Variants in SPPL3 observed in about 807,000 individuals in gnomAD.
SPPL3 encodes the protein signal peptide peptidase-like 3.
In SPPL3, 5 loss-of-function variants were observed where a neutral mutation model predicts 42.4. That is an observed-to-expected ratio of 0.12 (90% CI 0.06 to 0.25). The LOEUF (loss-of-function observed/expected upper bound fraction) is 0.25, where lower values mean the gene tolerates loss of function less well. Ranked by LOEUF, SPPL3 falls within the 10% of genes least tolerant of loss-of-function variation. The pLI is 1.00. For missense variants in SPPL3, 235 were observed against 489.0 expected (o/e 0.48, Z 4.90); for synonymous variants, 195 against 181.8 (o/e 1.07, Z -0.58).
intron 1 of SPPL3, among the ~76,000 whole-genome samples, chr12:120,900,854 A>C (rs764428483): frequency 6.6e-6 from 1 of 150,782 alleles, no homozygotes; most frequent in Non-Finnish European, 1.5e-5. Flanking sequence ...CCTGGGAGGC[A>C]GACGCTGCAG....
chr12:120,893,266 CA>C (rs1338042621), intron 1 of SPPL3, among the ~76,000 whole-genome samples: 1 of 151,780 alleles, frequency 6.6e-6, no homozygotes, highest in African/African-American at 2.4e-5. Context: ...CTGGCTAACA[CA>C]GTGAAACCCT....
chr12:120,815,789 C>T (rs765685658), intron 1 of SPPL3, among the ~76,000 whole-genome samples: 2 of 152,124 alleles, frequency 1.3e-5, no homozygotes, highest in South Asian at 2.1e-4. Context: ...TGCAACGGTG[C>T]GATCTCGGCT....
chr12:120,875,347 G>A (rs1873052892), intron 1 of SPPL3, among the ~76,000 whole-genome samples: 1 of 152,026 alleles, frequency 6.6e-6, no homozygotes, highest in African/African-American at 2.4e-5. Flanking sequence ...AACATAGATG[G>A]TGATGAAGAT....
intron 2 of SPPL3, chr12:120,791,811 C>T: frequency 2.5e-6 from 1 of 394,462 alleles, no homozygotes; most frequent in East Asian, 5.8e-5. Flanking sequence ...CTGAGCATAT[C>T]ATATCCTTAA....
In SPPL3 at chr12:120,882,607, T is replaced by C. The variant is rs183228377; in HGVS notation, c.23+21238A>G. On this transcript the variant is annotated intron_variant, in intron 1 of 10. Coordinates refer to ENST00000353487, the MANE Select transcript of SPPL3 (RefSeq NM_139015.5). Reference sequence around the variant, plus strand: ...AGAGAGATTGAATACAGTGGTCTCCTATGTATCCACAAAAACTGATTATAT... The same window carrying C: ...AGAGAGATTGAATACAGTGGTCTCCCATGTATCCACAAAAACTGATTATAT... 3.0e-4 allele frequency among the ~76,000 whole-genome samples: 46 copies of C among 152,260 alleles called. 1 individual carries two copies. The East Asian group carries it at 6.9e-3, about 23-fold the overall frequency.
intron 6 of SPPL3, among the ~76,000 whole-genome samples, chr12:120,780,940 G>A (rs988523662): frequency 1.3e-5 from 2 of 152,124 alleles, no homozygotes; most frequent in East Asian, 3.8e-4. Context: ...GAAAAACCAG[G>A]AAAATTATGG....
chr12:120,782,408 T>C (rs1358217745), intron 6 of SPPL3, among the ~76,000 whole-genome samples: 1 of 152,188 alleles, frequency 6.6e-6, no homozygotes, highest in Admixed American at 6.5e-5. Context: ...CCACATAATG[T>C]ATGATTCCAT....
At chr12:120,783,381 A>C (rs767724717) in intron 5 of SPPL3, among the ~76,000 whole-genome samples, 2 of 152,254 alleles carry the variant, frequency 1.3e-5, no homozygotes, top group Admixed American at 1.3e-4. Context: ...CTCACAGTAA[A>C]GGAATGAAAG....
chr12:120,781,820 C>G (rs1869557614), intron 6 of SPPL3, among the ~76,000 whole-genome samples: 2 of 151,942 alleles, frequency 1.3e-5, no homozygotes, highest in Non-Finnish European at 1.5e-5. Context: ...GATCTCCTGA[C>G]CTTGTGATCC....
intron 1 of SPPL3, among the ~76,000 whole-genome samples, chr12:120,897,566 AC>A (rs1593017053): frequency 6.6e-6 from 1 of 152,160 alleles, no homozygotes; most frequent in Admixed American, 6.5e-5. Flanking sequence ...TACTAAAATT[AC>A]AAAAAATTAG....
intron 1 of SPPL3, among the ~76,000 whole-genome samples, chr12:120,895,965 T>C (rs1245612744): frequency 6.6e-6 from 1 of 152,184 alleles, no homozygotes; most frequent in Non-Finnish European, 1.5e-5. Flanking sequence ...GAATACTTTT[T>C]GAATAATCAC....
At chr12:120,900,644 C>A (rs998640880) in intron 1 of SPPL3, among the ~76,000 whole-genome samples, 2 of 150,962 alleles carry the variant, frequency 1.3e-5, no homozygotes, top group Admixed American at 1.3e-4. Context: ...TGGTGGCTCA[C>A]GCCTGTAATC....
rs1486831022 is a variant in SPPL3 at position 120,768,380 on chromosome 12, T to C, written c.718A>G (p.Asn240Asp). 8 of 1,614,176 alleles carry C rather than the reference T, an allele frequency of 5.0e-6. No homozygotes were observed. The highest frequency in any genetic ancestry group is 4.2e-6 in the Non-Finnish European group (5 of 1,180,020). ...AGGCGAGGAACATCACGCCCAACAT[T>C]GGGCCCCAGGTGGAGCTTCCGGGAT... ...VLSRKLHLGPNVGRDVPRLSL... is the reference protein window; with the variant it reads ...VLSRKLHLGPDVGRDVPRLSL... The change falls in exon 8 of 11, where the codon AAT (asparagine) becomes GAT (aspartate). Residue 240 changes from asparagine (N) to aspartate (D), a missense_variant. By Grantham distance (23) the Asn-to-Asp change is conservative. Coordinates refer to ENST00000353487, the MANE Select transcript of SPPL3 (RefSeq NM_139015.5).
At chr12:120,779,818 T>TAAA (rs1869459734) in intron 6 of SPPL3, among the ~76,000 whole-genome samples, 6 of 2,126 alleles carry the variant, frequency 2.8e-3, no homozygotes, top group African/African-American at 0.012. Flanking sequence ...CTACTAAAAA[T>TAAA]ACAAAAAAAA....
intron 1 of SPPL3, among the ~76,000 whole-genome samples, chr12:120,824,462 T>C (rs1362315960): frequency 6.6e-6 from 1 of 152,206 alleles, no homozygotes; most frequent in Non-Finnish European, 1.5e-5. Flanking sequence ...TAACAAGTAA[T>C]ACTACAGAGT....
intron 1 of SPPL3, among the ~76,000 whole-genome samples, chr12:120,824,274 C>T (rs1230268599): frequency 6.6e-6 from 1 of 152,076 alleles, no homozygotes; most frequent in African/African-American, 2.4e-5. Flanking sequence ...GACTATTTCA[C>T]ATTTCTGTAT....
intron 1 of SPPL3, among the ~76,000 whole-genome samples, chr12:120,864,229 G>A (rs968444772): frequency 1.3e-5 from 2 of 152,086 alleles, no homozygotes; most frequent in African/African-American, 4.8e-5. Flanking sequence ...CATCACAGAA[G>A]TCTTTAAATA....
intron 1 of SPPL3, among the ~76,000 whole-genome samples, chr12:120,840,203 G>A (rs928938838): frequency 2.0e-5 from 3 of 149,870 alleles, no homozygotes; most frequent in South Asian, 2.1e-4. Context: ...GCTTGAACCC[G>A]GCGGGTGGAG....
intron 1 of SPPL3, among the ~76,000 whole-genome samples, chr12:120,873,322 G>A (rs1233928642): frequency 6.6e-6 from 1 of 152,026 alleles, no homozygotes; most frequent in African/African-American, 2.4e-5. Context: ...ACGATCAAGT[G>A]GTCTAACACA....
Sources: gnomAD v4.1 joint callset for allele counts (sites outside exome capture counted in the v4.1 genomes callset) on GRCh38, gnomAD v4.1.1 for gene constraint, MANE v1.5 for transcripts, NCBI Gene and HGNC (gene_info 2026-07-23, HGNC 2026-07-21) for gene names.